C8orf34: variants seen among roughly 807,000 people sequenced by gnomAD.
The protein encoded by C8orf34 is uncharacterized protein C8orf34.
C8orf34 carries 65 observed loss-of-function variants against 68.3 expected under a neutral mutation model. The ratio of observed to expected loss-of-function variants is 0.95; its 90% CI spans 0.78 to 1.17. The LOEUF (loss-of-function observed/expected upper bound fraction) is 1.17, where lower values mean the gene tolerates loss of function less well. C8orf34 is among the 50% of genes most tolerant of loss of function. The pLI is 0.00. For missense variants in C8orf34, 664 were observed against 655.4 expected (o/e 1.01, Z -0.14); for synonymous variants, 244 against 241.2 (o/e 1.01, Z -0.11).
intron 4 of C8orf34, among the ~76,000 whole-genome samples, chr8:68,476,732 G>A (rs1408324814): frequency 6.6e-6 from 1 of 152,150 alleles, no homozygotes; most frequent in African/African-American, 2.4e-5. Context: ...AAAGATATAT[G>A]TAACATATAT....
chr8:68,627,416 C>G (rs1818568550), intron 7 of C8orf34, among the ~76,000 whole-genome samples: 1 of 152,126 alleles, frequency 6.6e-6, no homozygotes, highest in African/African-American at 2.4e-5. Flanking sequence ...TTCAGTTACA[C>G]CAGGCAAGGC....
Position 68,463,397 on chromosome 8 carries a change from T to C in C8orf34, c.608-5295T>C, listed in dbSNP as rs1474272214. Among the ~76,000 whole-genome samples, 26 of 152,282 alleles carry C rather than the reference T, an allele frequency of 1.7e-4. No individual in the cohort carries two copies. In the South Asian group the frequency reaches 1.9e-3, roughly 11 times the overall value. Reference sequence around the variant, plus strand: ...ACTGGTACCATTCCTTCTGAAACTATTCCAATCAACAGAAAAAGAGGGAAT... The same window carrying C: ...ACTGGTACCATTCCTTCTGAAACTACTCCAATCAACAGAAAAAGAGGGAAT... On this transcript the variant is annotated intron_variant, in intron 3 of 13. Transcript: ENST00000518698.
intron 4 of C8orf34, among the ~76,000 whole-genome samples, chr8:68,475,734 C>A (rs759162278): frequency 3.9e-5 from 6 of 152,196 alleles, no homozygotes; most frequent in Non-Finnish European, 7.3e-5. Context: ...GCCAACAAAA[C>A]CTTCTACTTC....
Position 68,604,882 on chromosome 8 carries a change from CT to C in C8orf34, c.1106-35493del, listed in dbSNP as rs367818001. On this transcript the variant is annotated intron_variant, in intron 7 of 13. Transcript: ENST00000518698. The stretch of plus-strand genomic sequence containing the variant: ...ACTTAATGAAAATTAAAAACTTCTG[CT>C]CTGCAAAAGGCATTGTCAAGAGAAC... Among the ~76,000 whole-genome samples the C allele has an allele frequency of 1.2e-4, 19 of 152,206 alleles. No homozygotes were observed. In the East Asian group the frequency reaches 3.5e-3, roughly 28 times the overall value.
At chr8:68,393,996 G>A (rs1250153834) in intron 1 of C8orf34, among the ~76,000 whole-genome samples, 1 of 152,104 alleles carries the variant, frequency 6.6e-6, no homozygotes, top group Non-Finnish European at 1.5e-5. Flanking sequence ...TTACCAGTAA[G>A]ACTTAGCAAT....
chr8:68,763,926 G>A (rs558094314), intron 10 of C8orf34, among the ~76,000 whole-genome samples: 2 of 152,264 alleles, frequency 1.3e-5, no homozygotes, highest in East Asian at 3.9e-4. Context: ...GGACCAAGAT[G>A]TATCTCTCTG....
chr8:68,682,857 A>C (rs1010177821), intron 8 of C8orf34, among the ~76,000 whole-genome samples: 3 of 152,162 alleles, frequency 2.0e-5, no homozygotes, highest in African/African-American at 7.2e-5. Flanking sequence ...AATTTTGTTT[A>C]CTTTTTTCCA....
intron 10 of C8orf34, among the ~76,000 whole-genome samples, chr8:68,765,042 T>G (rs1823131268): frequency 6.6e-6 from 1 of 152,214 alleles, no homozygotes. Context: ...TTTGTACCTT[T>G]CACAATATTA....
intron 7 of C8orf34, among the ~76,000 whole-genome samples, chr8:68,537,793 A>G (rs1815540236): frequency 6.6e-6 from 1 of 151,198 alleles, no homozygotes; most frequent in Non-Finnish European, 1.5e-5. Flanking sequence ...TTCATTCTTC[A>G]CTTTTGTTTT....
At chr8:68,435,136 C>T (rs1810608919) in intron 1 of C8orf34, among the ~76,000 whole-genome samples, 1 of 147,950 alleles carries the variant, frequency 6.8e-6, no homozygotes. Context: ...TATAATATTA[C>T]AAGTGTATAT....
intron 10 of C8orf34, among the ~76,000 whole-genome samples, chr8:68,755,631 AATT>A (rs1822832575): frequency 6.6e-6 from 1 of 152,132 alleles, no homozygotes; most frequent in African/African-American, 2.4e-5. Flanking sequence ...CTCCACTCTT[AATT>A]CTAATACCTT....
chr8:68,394,708 TAAGTG>T (rs1808619039), intron 1 of C8orf34, among the ~76,000 whole-genome samples: 1 of 152,118 alleles, frequency 6.6e-6, no homozygotes, highest in African/African-American at 2.4e-5. Context: ...CATAATTTCT[TAAGTG>T]AAGGAAGCTA....
intron 1 of C8orf34, among the ~76,000 whole-genome samples, chr8:68,419,559 C>G (rs1391313134): frequency 6.6e-6 from 1 of 151,692 alleles, no homozygotes; most frequent in Non-Finnish European, 1.5e-5. Flanking sequence ...TTCACAATAG[C>G]AAAGACTTGG....
intron 12 of C8orf34, among the ~76,000 whole-genome samples, chr8:68,794,079 G>A (rs1395486981): frequency 2.0e-5 from 3 of 152,110 alleles, no homozygotes; most frequent in Non-Finnish European, 4.4e-5. Flanking sequence ...ATAGGTGCAT[G>A]CAGGTTGAGT....
intron 7 of C8orf34, among the ~76,000 whole-genome samples, chr8:68,590,453 T>C (rs1222153565): frequency 6.6e-6 from 1 of 152,128 alleles, no homozygotes; most frequent in Non-Finnish European, 1.5e-5. Flanking sequence ...GAACTCAGGA[T>C]ATTAACTAGT....
chr8:68,810,632 TGAGGTACGCATACAACTG>T (rs1824621187), intron 12 of C8orf34, among the ~76,000 whole-genome samples: 1 of 152,048 alleles, frequency 6.6e-6, no homozygotes, highest in South Asian at 2.1e-4. Flanking sequence ...CCAGGAAAAA[TGAGGTACGCATACAACTG>T]GAGGGTGAGT....
chr8:68,643,483 G>A (rs1307463285), intron 8 of C8orf34, among the ~76,000 whole-genome samples: 1 of 152,144 alleles, frequency 6.6e-6, no homozygotes, highest in Admixed American at 6.6e-5. Context: ...ACCAAAAACT[G>A]TGTCTTATAA....
intron 7 of C8orf34, among the ~76,000 whole-genome samples, chr8:68,593,302 A>C (rs1817450602): frequency 6.6e-6 from 1 of 152,062 alleles, no homozygotes; most frequent in Non-Finnish European, 1.5e-5. Flanking sequence ...TAACTTATTG[A>C]GTATTTTTAT....
chr8:68,647,014 A>C (rs1474106620), intron 8 of C8orf34, among the ~76,000 whole-genome samples: 2 of 152,196 alleles, frequency 1.3e-5, no homozygotes, highest in Non-Finnish European at 2.9e-5. Flanking sequence ...CAACCCACAG[A>C]CTGGGAGAAA....
Sources: allele counts gnomAD v4.1 joint callset (sites outside exome capture counted in the v4.1 genomes callset), GRCh38; gene constraint gnomAD v4.1.1; transcripts MANE v1.5; gene names NCBI Gene and HGNC (gene_info 2026-07-23, HGNC 2026-07-21).